Variants in CFAP299 observed in about 807,000 individuals in gnomAD.
CFAP299 encodes cilia- and flagella-associated protein 299.
CFAP299 carries 21 observed loss-of-function variants against 27.0 expected under a neutral mutation model. That is an observed-to-expected ratio of 0.78 (90% CI 0.55 to 1.12). CFAP299 has a LOEUF of 1.12. CFAP299 is among the 50% of genes most tolerant of loss of function. CFAP299 has a pLI of 0.00. For synonymous variants in CFAP299, 104 were observed against 98.1 expected (o/e 1.06, Z -0.36); for missense variants, 310 against 276.6 (o/e 1.12, Z -0.86).
chr4:80,742,343 C>T (rs1724324681), intron 3 of CFAP299, among the ~76,000 whole-genome samples: 1 of 152,132 alleles, frequency 6.6e-6, no homozygotes, highest in Non-Finnish European at 1.5e-5. Flanking sequence ...ATACTATTAC[C>T]TAATAAAAGA....
chr4:80,730,528 T>TA (rs35014674), intron 3 of CFAP299, among the ~76,000 whole-genome samples: 18,315 of 141,046 alleles, frequency 0.13, 1,379 homozygotes, highest in Non-Finnish European at 0.18. Flanking sequence ...GCTAAGCTGA[T>TA]AAAAAAAAAA....
At chr4:80,874,797 G>A (rs1733285194) in intron 4 of CFAP299, among the ~76,000 whole-genome samples, 1 of 152,054 alleles carries the variant, frequency 6.6e-6, no homozygotes, top group South Asian at 2.1e-4. Flanking sequence ...CTAGACTGGT[G>A]CTCTCTAGTA....
chr4:80,576,743 A>G (rs541921102), intron 2 of CFAP299, among the ~76,000 whole-genome samples: 2 of 152,344 alleles, frequency 1.3e-5, no homozygotes, highest in South Asian at 4.1e-4. Context: ...CAAACTAAGT[A>G]TACAACACAT....
intron 2 of CFAP299, among the ~76,000 whole-genome samples, chr4:80,568,084 T>G (rs1268461958): frequency 3.3e-5 from 5 of 151,728 alleles, no homozygotes; most frequent in African/African-American, 1.2e-4. Flanking sequence ...TAAAAAACAA[T>G]AATAAAAGTT....
Position 80,414,175 on chromosome 4 carries a change from A to T in CFAP299, c.242+51291A>T, listed in dbSNP as rs371461601. ...AAGCTCCGCCTCCCGGGTTCACGCCATTCTCCTGCCTCAGCCTCCCAAGTA... is the reference window on the plus strand; with the variant it reads ...AAGCTCCGCCTCCCGGGTTCACGCCTTTCTCCTGCCTCAGCCTCCCAAGTA... On this transcript the variant is annotated intron_variant, in intron 2 of 5. Transcript: ENST00000358105. Among the ~76,000 whole-genome samples the T allele has an allele frequency of 6.3e-3, 891 of 142,512 alleles. 2 individuals are homozygous for T. The highest frequency in any genetic ancestry group is 0.026 in the Middle Eastern group (7 of 272). 93.5% of individuals were successfully genotyped at this position (142,512 alleles called of 152,430 possible).
At chr4:80,572,048 TA>T (rs1735605126) in intron 2 of CFAP299, among the ~76,000 whole-genome samples, 1 of 152,156 alleles carries the variant, frequency 6.6e-6, no homozygotes, top group South Asian at 2.1e-4. Context: ...TTTTTCTTTT[TA>T]ATGTTTGTGG....
chr4:80,862,932 A>G (rs1578194885), intron 3 of CFAP299, among the ~76,000 whole-genome samples: 1 of 152,194 alleles, frequency 6.6e-6, no homozygotes, highest in African/African-American at 2.4e-5. Context: ...ATGTTAGAAA[A>G]CAATAGTTGA....
At chr4:80,790,006 A>G (rs1322298453) in intron 3 of CFAP299, among the ~76,000 whole-genome samples, 3 of 152,150 alleles carry the variant, frequency 2.0e-5, no homozygotes, top group Admixed American at 6.6e-5. Flanking sequence ...CTTGCTCAAG[A>G]ATATCTAACA....
At chr4:80,950,152 G>A (rs1365585180) in intron 5 of CFAP299, among the ~76,000 whole-genome samples, 1 of 152,060 alleles carries the variant, frequency 6.6e-6, no homozygotes, top group African/African-American at 2.4e-5. Context: ...GAGGGAGAAA[G>A]AACATGTGTG....
At chr4:80,872,159 A>G (rs186334790) in intron 4 of CFAP299, 1 of 152,072 alleles carries the variant, frequency 6.6e-6, no homozygotes, top group Non-Finnish European at 1.5e-5. Flanking sequence ...AATGCAGTAT[A>G]ATTTTTTTCT....
At chr4:80,781,185 C>T (rs1488137805) in intron 3 of CFAP299, among the ~76,000 whole-genome samples, 3 of 151,892 alleles carry the variant, frequency 2.0e-5, no homozygotes, top group Non-Finnish European at 4.4e-5. Flanking sequence ...AAATTCACAC[C>T]ATTTTTCTTC....
At chr4:80,614,708 CA>C (rs1456793749) in intron 3 of CFAP299, among the ~76,000 whole-genome samples, 1 of 152,158 alleles carries the variant, frequency 6.6e-6, no homozygotes, top group Non-Finnish European at 1.5e-5. Context: ...CAATTGCTTG[CA>C]ATATGGCTCT....
intron 3 of CFAP299, among the ~76,000 whole-genome samples, chr4:80,779,419 A>G (rs1726744153): frequency 6.6e-6 from 1 of 152,054 alleles, no homozygotes; most frequent in Non-Finnish European, 1.5e-5. Flanking sequence ...CTACTTTGCT[A>G]CTGTGGCATG....
Position 80,837,428 on chromosome 4 carries a change from T to C in CFAP299, c.334-32565T>C, listed in dbSNP as rs137883721. ...TTAGTTATTTCTCCTAATGCTATCCTTCCCGTAGCCCCCCAACCCCCGACA... is the reference window on the plus strand; with the variant it reads ...TTAGTTATTTCTCCTAATGCTATCCCTCCCGTAGCCCCCCAACCCCCGACA... On this transcript the variant is annotated intron_variant, in intron 3 of 5. Transcript: ENST00000358105. Among the ~76,000 whole-genome samples, 1,124 of 152,214 alleles carry C rather than the reference T, an allele frequency of 7.4e-3. 14 individuals carry two copies. The highest frequency in any genetic ancestry group is 0.012 in the Non-Finnish European group (795 of 67,990).
At chr4:80,941,069 T>A (rs1737169539) in intron 4 of CFAP299, among the ~76,000 whole-genome samples, 1 of 152,198 alleles carries the variant, frequency 6.6e-6, no homozygotes, top group African/African-American at 2.4e-5. Flanking sequence ...TATTTACATA[T>A]AACCTATGAA....
At chr4:80,783,650 T>G (rs1270731083) in intron 3 of CFAP299, among the ~76,000 whole-genome samples, 1 of 152,140 alleles carries the variant, frequency 6.6e-6, no homozygotes, top group East Asian at 1.9e-4. Context: ...GCAAAAGACT[T>G]TTTCAAAGTG....
chr4:80,351,727 TACA>T lies in CFAP299; in HGVS notation c.112-11022_112-11020del, dbSNP rs547383220. ...TATGCTGTCCCACCTTAAATATAAATACAACAATTTAATGTAAATGTATTAACA... is the reference window on the plus strand; with the variant it reads ...TATGCTGTCCCACCTTAAATATAAATACAATTTAATGTAAATGTATTAACA... On this transcript the variant is annotated intron_variant, in intron 1 of 5. Transcript: ENST00000358105. 6.3e-4 allele frequency among the ~76,000 whole-genome samples: 95 copies of T among 151,556 alleles called. 1 individual carries two copies. The highest frequency in any genetic ancestry group is 2.2e-3 in the African/African-American group (92 of 41,424).
At chr4:80,455,813 C>A (rs1244005550) in intron 2 of CFAP299, among the ~76,000 whole-genome samples, 1 of 152,116 alleles carries the variant, frequency 6.6e-6, no homozygotes, top group Non-Finnish European at 1.5e-5. Context: ...TCTTCCCATT[C>A]ATTATCTAGT....
At position 80,757,789 on chromosome 4, in the gene CFAP299, A is replaced by G. The variant is rs1327899504; in HGVS notation, c.334-112204A>G. Among the ~76,000 whole-genome samples, 7 of 151,916 alleles carry G rather than the reference A, an allele frequency of 4.6e-5. No individual in the cohort carries two copies. In the East Asian group the frequency reaches 1.2e-3, roughly 25 times the overall value. ...ACTAAATGGGTACTTCTGAAGCAGGATATTTCCCTGACCCCTTTGTGGGTG... is the reference window on the plus strand; with the variant it reads ...ACTAAATGGGTACTTCTGAAGCAGGGTATTTCCCTGACCCCTTTGTGGGTG... On this transcript the variant is annotated intron_variant, in intron 3 of 5. Transcript: ENST00000358105.
Sources: allele counts gnomAD v4.1 joint callset (sites outside exome capture counted in the v4.1 genomes callset), GRCh38; gene constraint gnomAD v4.1.1; transcripts MANE v1.5; gene names NCBI Gene and HGNC (gene_info 2026-07-23, HGNC 2026-07-21).